SBF2: variants seen among roughly 807,000 people sequenced by gnomAD.
SBF2 encodes SET binding factor 2.
SBF2 carries 112 observed loss-of-function variants against 225.2 expected under a neutral mutation model. The ratio of observed to expected loss-of-function variants is 0.50; its 90% confidence interval spans 0.43 to 0.58. The LOEUF is 0.58. SBF2 is among the 20% of genes least tolerant of loss of function. The pLI is 0.00. For synonymous variants in SBF2, 763 were observed against 773.3 expected (o/e 0.99, Z 0.22); for missense variants, 1,996 against 2,206.2 (o/e 0.90, Z 1.91).
chr11:9,811,193 T>G (rs1490181508), intron 30 of SBF2: 3 of 152,184 alleles, frequency 2.0e-5, no homozygotes, highest in Admixed American at 1.3e-4. Flanking sequence ...TATTTGAGGT[T>G]GGAGGTGAGA....
At chr11:9,901,928 GA>G (rs1482089472) in intron 16 of SBF2, among the ~76,000 whole-genome samples, 1 of 152,174 alleles carries the variant, frequency 6.6e-6, no homozygotes, top group Admixed American at 6.6e-5. Flanking sequence ...TCATAGGCAT[GA>G]AAACAGGTTT....
chr11:9,989,719 T>C, intron 12 of SBF2, 124 bp from the exon 13 acceptor site: 1 of 640,836 alleles, frequency 1.6e-6, no homozygotes, highest in Non-Finnish European at 2.7e-6. Context: ...TAAAACAAAA[T>C]ATTTCAGGTT....
intron 16 of SBF2, among the ~76,000 whole-genome samples, chr11:9,939,673 A>G (rs1865132708): frequency 6.6e-6 from 1 of 152,184 alleles, no homozygotes; most frequent in South Asian, 2.1e-4. Flanking sequence ...ATGGGAAAGG[A>G]GATACTCTGA....
At chr11:10,137,018 T>C (rs1428492674) in intron 2 of SBF2, among the ~76,000 whole-genome samples, 1 of 152,234 alleles carries the variant, frequency 6.6e-6, no homozygotes, top group Non-Finnish European at 1.5e-5. Context: ...GCATCTTTAC[T>C]GTATTGAGTC....
intron 16 of SBF2, among the ~76,000 whole-genome samples, chr11:9,908,403 A>G (rs1001768991): frequency 6.6e-5 from 10 of 152,162 alleles, no homozygotes; most frequent in African/African-American, 2.4e-4. Context: ...AGGCGGGTAG[A>G]TCACGAGGTC....
At chr11:10,247,428 G>A (rs117702253) in intron 1 of SBF2, among the ~76,000 whole-genome samples, 2,095 of 151,618 alleles carry the variant, frequency 0.014, 21 homozygotes, top group Non-Finnish European at 0.021. Flanking sequence ...TACCTGTAAT[G>A]CCAGCATTTT....
At chr11:9,977,544 G>A (rs1946756406) in intron 13 of SBF2, among the ~76,000 whole-genome samples, 1 of 151,810 alleles carries the variant, frequency 6.6e-6, no homozygotes, top group Non-Finnish European at 1.5e-5. Context: ...AGTTACTTGT[G>A]TTCTCATGCA....
intron 1 of SBF2, among the ~76,000 whole-genome samples, chr11:10,217,796 G>A (rs2135398303): frequency 6.6e-6 from 1 of 152,192 alleles, no homozygotes; most frequent in Non-Finnish European, 1.5e-5. Flanking sequence ...ACATGACCGA[G>A]ACTGGTTAAT....
intron 6 of SBF2, among the ~76,000 whole-genome samples, chr11:10,025,203 T>C (rs1301814519): frequency 6.6e-6 from 1 of 152,164 alleles, no homozygotes; most frequent in African/African-American, 2.4e-5. Context: ...AGAGAGGATA[T>C]ACTTTTACTT....
intron 1 of SBF2, among the ~76,000 whole-genome samples, chr11:10,235,600 A>T (rs1459981242): frequency 1.3e-5 from 2 of 152,122 alleles, no homozygotes; most frequent in African/African-American, 4.8e-5. Context: ...ATTTACATAA[A>T]CTTCCCTTTT....
intron 2 of SBF2, among the ~76,000 whole-genome samples, chr11:10,163,036 A>G (rs1195773033): frequency 6.6e-6 from 1 of 152,206 alleles, no homozygotes; most frequent in Non-Finnish European, 1.5e-5. Context: ...AAGACAGCAT[A>G]AAACATGAAG....
chr11:9,996,319 T>C (rs956258594), intron 9 of SBF2, among the ~76,000 whole-genome samples: 1 of 152,236 alleles, frequency 6.6e-6, no homozygotes, highest in Non-Finnish European at 1.5e-5. Flanking sequence ...GCTATATCCA[T>C]ATACCATCTA....
intron 3 of SBF2, among the ~76,000 whole-genome samples, chr11:10,037,198 T>A (rs982802325): frequency 1.3e-5 from 2 of 152,138 alleles, no homozygotes; most frequent in African/African-American, 4.8e-5. Flanking sequence ...AAAGACATAA[T>A]CTTCAGCATC....
chr11:10,200,330 G>A (rs1378171247), intron 1 of SBF2, among the ~76,000 whole-genome samples: 2 of 152,200 alleles, frequency 1.3e-5, no homozygotes, highest in Non-Finnish European at 2.9e-5. Flanking sequence ...ATGAGTAGGT[G>A]CATGTTTCTC....
At chr11:10,174,517 G>A in intron 2 of SBF2, among the ~76,000 whole-genome samples, 1 of 152,182 alleles carries the variant, frequency 6.6e-6, no homozygotes, top group Non-Finnish European at 1.5e-5. Context: ...TATGGGAAAA[G>A]ACCAAATCTA....
intron 1 of SBF2, among the ~76,000 whole-genome samples, chr11:10,262,166 G>A (rs1478605085): frequency 6.6e-6 from 1 of 152,130 alleles, no homozygotes; most frequent in Non-Finnish European, 1.5e-5. Context: ...TTTGGGGGAA[G>A]ATACTGGTAT....
intron 1 of SBF2, among the ~76,000 whole-genome samples, chr11:10,241,237 C>T (rs1242720410): frequency 6.6e-6 from 1 of 152,156 alleles, no homozygotes; most frequent in Non-Finnish European, 1.5e-5. Context: ...CCTGTACTCC[C>T]AGCTACTTGG....
At chr11:9,818,914 G>GT (rs1197737339) in intron 28 of SBF2, among the ~76,000 whole-genome samples, 1 of 151,910 alleles carries the variant, frequency 6.6e-6, no homozygotes, top group Non-Finnish European at 1.5e-5. Flanking sequence ...TAGAGATGGG[G>GT]TTTCACCATC....
rs759680144 is a variant in SBF2 at position 9,832,430 on chromosome 11, CAT to C, written c.3456-12_3456-11del. On this transcript the variant is annotated splice_polypyrimidine_tract_variant and intron_variant, in intron 26 of 39. Coordinates refer to ENST00000256190, the MANE Select transcript of SBF2 (RefSeq NM_030962.4). ...TAAAAGGCCAGGATAGCTTCAGAGACATAGAATAGAGAAGAGAATGATTGGGG... is the reference window on the plus strand; with the variant it reads ...TAAAAGGCCAGGATAGCTTCAGAGACAGAATAGAGAAGAGAATGATTGGGG... 8 of 1,602,182 alleles carry C rather than the reference CAT, an allele frequency of 5.0e-6. No homozygotes were observed. In the East Asian group the frequency reaches 1.6e-4, roughly 31 times the overall value.
Sources: allele counts gnomAD v4.1 joint callset (sites outside exome capture counted in the v4.1 genomes callset), GRCh38; gene constraint gnomAD v4.1.1; transcripts MANE v1.5; gene names NCBI Gene and HGNC (gene_info 2026-07-23, HGNC 2026-07-21).